Variants in PHLPP1 observed in about 807,000 individuals in gnomAD.
The protein encoded by PHLPP1 is PH domain and leucine rich repeat protein phosphatase 1, also known as PH domain leucine-rich repeat-containing protein phosphatase 1.
Under a neutral mutation model 117.2 loss-of-function variants are expected in PHLPP1, and 42 were observed. The ratio of observed to expected loss-of-function variants is 0.36; its 90% CI spans 0.28 to 0.46. The LOEUF is 0.46. PHLPP1 is among the 20% of genes least tolerant of loss of function. The pLI is 1.00. For synonymous variants in PHLPP1, 1,042 were observed against 970.7 expected, an observed-to-expected ratio of 1.07 and a Z score of -1.37; for missense variants, 2,084 against 2,241.9, an observed-to-expected ratio of 0.93 and a Z score of 1.42.
At chr18:62,749,090 T>A (rs996997118) in intron 1 of PHLPP1, among the ~76,000 whole-genome samples, 2 of 152,186 alleles carry the variant, frequency 1.3e-5, no homozygotes, top group African/African-American at 2.4e-5. Context: ...TCGTCTTCAT[T>A]TGTAGGTGTT....
chr18:62,769,044 T>A (rs1912658206), intron 1 of PHLPP1, among the ~76,000 whole-genome samples: 1 of 152,166 alleles, frequency 6.6e-6, no homozygotes, highest in African/African-American at 2.4e-5. Flanking sequence ...CATCTATAAA[T>A]GATTGCTAAT....
At chr18:62,749,691 G>A (rs1178201165) in intron 1 of PHLPP1, among the ~76,000 whole-genome samples, 1 of 152,126 alleles carries the variant, frequency 6.6e-6, no homozygotes, top group Non-Finnish European at 1.5e-5. Flanking sequence ...CACATCTCTG[G>A]TGTCTCTTGT....
intron 9 of PHLPP1, among the ~76,000 whole-genome samples, chr18:62,916,840 G>A (rs930618785): frequency 7.9e-6 from 1 of 126,916 alleles, no homozygotes; most frequent in African/African-American, 3.0e-5. Flanking sequence ...TGCAACCTCT[G>A]CCTCCCGGGT....
At chr18:62,899,831 G>C (rs928177139) in intron 6 of PHLPP1, among the ~76,000 whole-genome samples, 1 of 152,206 alleles carries the variant, frequency 6.6e-6, no homozygotes, top group Non-Finnish European at 1.5e-5. Flanking sequence ...TACCACACTT[G>C]GCTAATTTTT....
chr18:62,747,400 C>T (rs1911710397), intron 1 of PHLPP1, among the ~76,000 whole-genome samples: 1 of 151,456 alleles, frequency 6.6e-6, no homozygotes, highest in Non-Finnish European at 1.5e-5. Flanking sequence ...TTCTCAGCCT[C>T]CCAAAATGCT....
intron 16 of PHLPP1, among the ~76,000 whole-genome samples, chr18:62,976,262 T>A (rs1344388016): frequency 6.6e-6 from 1 of 152,150 alleles, no homozygotes; most frequent in Admixed American, 6.5e-5. Flanking sequence ...CCACTGAGCA[T>A]CCTACAGCGC....
At chr18:62,864,052 G>T (rs1915704959) in intron 4 of PHLPP1, among the ~76,000 whole-genome samples, 1 of 150,908 alleles carries the variant, frequency 6.6e-6, no homozygotes, top group Non-Finnish European at 1.5e-5. Context: ...ACAGAGTCTC[G>T]CTCCTGTTGC....
chr18:62,950,993 T>C (rs1910438959), intron 12 of PHLPP1, among the ~76,000 whole-genome samples: 1 of 152,030 alleles, frequency 6.6e-6, no homozygotes, highest in African/African-American at 2.4e-5. Context: ...TTTTTTTTTT[T>C]TTGAGTTGGA....
intron 9 of PHLPP1, among the ~76,000 whole-genome samples, chr18:62,918,492 A>G (rs987481229): frequency 1.3e-5 from 2 of 150,774 alleles, no homozygotes; most frequent in Admixed American, 1.3e-4. Flanking sequence ...ACCATTACAG[A>G]GACTGCCCTG....
intron 1 of PHLPP1, among the ~76,000 whole-genome samples, chr18:62,764,330 G>A (rs1912384759): frequency 1.3e-5 from 2 of 152,010 alleles, no homozygotes; most frequent in Admixed American, 1.3e-4. Context: ...ATCCACTTTG[G>A]GTTCTGCCTC....
chr18:62,841,836 T>C lies in PHLPP1; in HGVS notation c.1899+2927T>C, dbSNP rs553888561. Among the ~76,000 whole-genome samples, 37 of 152,322 alleles carry C rather than the reference T, an allele frequency of 2.4e-4. 1 individual carries two copies. Among genetic ancestry groups the C allele is most frequent in the Admixed American group, 2.0e-3 (30 of 15,298 alleles). On this transcript the variant is annotated intron_variant, in intron 3 of 16. Transcript: ENST00000262719. ...CTTTGATTTGATTATCTTAGATTACTGGTATTGACTACAACTAATTAGAAT... is the reference window on the plus strand; with the variant it reads ...CTTTGATTTGATTATCTTAGATTACCGGTATTGACTACAACTAATTAGAAT...
chr18:62,790,279 A>C (rs1913419258), intron 1 of PHLPP1, among the ~76,000 whole-genome samples: 1 of 152,204 alleles, frequency 6.6e-6, no homozygotes, highest in African/African-American at 2.4e-5. Context: ...ATTTCAATAA[A>C]ACACGTGGGA....
intron 4 of PHLPP1, among the ~76,000 whole-genome samples, chr18:62,885,716 A>C (rs574610069): frequency 5.9e-4 from 90 of 152,330 alleles, no homozygotes; most frequent in African/African-American, 1.8e-3. Flanking sequence ...AAGGTAGGGA[A>C]GTTGGATGCA....
intron 9 of PHLPP1, among the ~76,000 whole-genome samples, chr18:62,917,222 TTA>T (rs921809169): frequency 1.2e-3 from 166 of 137,702 alleles, no homozygotes; most frequent in African/African-American, 4.4e-3. Flanking sequence ...TATTATATAT[TTA>T]TATATATAAA....
chr18:62,771,268 A>T (rs1912765553), intron 1 of PHLPP1, among the ~76,000 whole-genome samples: 1 of 151,846 alleles, frequency 6.6e-6, no homozygotes. Flanking sequence ...ATCCATGTGG[A>T]TCATCTGAGG....
intron 4 of PHLPP1, among the ~76,000 whole-genome samples, chr18:62,879,696 C>T (rs1209128151): frequency 6.6e-6 from 1 of 152,186 alleles, no homozygotes; most frequent in East Asian, 1.9e-4. Context: ...GCGTGAGCCA[C>T]TGTGCCCAGC....
At chr18:62,878,028 T>C (rs1340817533) in intron 4 of PHLPP1, among the ~76,000 whole-genome samples, 1 of 152,240 alleles carries the variant, frequency 6.6e-6, no homozygotes, top group East Asian at 1.9e-4. Context: ...AGCCTTGGCT[T>C]GATTCCAATT....
chr18:62,779,801 C>T (rs933697516), intron 1 of PHLPP1, among the ~76,000 whole-genome samples: 2 of 152,010 alleles, frequency 1.3e-5, no homozygotes, highest in Non-Finnish European at 2.9e-5. Context: ...TCGATTAATT[C>T]CAGAGGTGTT....
At chr18:62,916,559 A>T (rs936154956) in intron 9 of PHLPP1, among the ~76,000 whole-genome samples, 1 of 151,224 alleles carries the variant, frequency 6.6e-6, no homozygotes, top group Non-Finnish European at 1.5e-5. Flanking sequence ...ATGTTGACTG[A>T]GCATTCAAGT....
Sources: allele counts gnomAD v4.1 joint callset (sites outside exome capture counted in the v4.1 genomes callset), GRCh38; gene constraint gnomAD v4.1.1; transcripts MANE v1.5; gene names NCBI Gene and HGNC (gene_info 2026-07-23, HGNC 2026-07-21).